DNAH2: variants seen among roughly 807,000 people sequenced by gnomAD.
DNAH2 encodes dynein axonemal heavy chain 2, also known as axonemal beta dynein heavy chain 2.
Under a neutral mutation model 523.5 loss-of-function variants are expected in DNAH2, and 323 were observed. The ratio of observed to expected loss-of-function variants is 0.62; its 90% CI spans 0.56 to 0.68. The LOEUF (loss-of-function observed/expected upper bound fraction) is 0.68, where lower values mean the gene tolerates loss of function less well. DNAH2 is among the 30% of genes least tolerant of loss of function. The pLI is 0.00. For synonymous variants in DNAH2, 2,093 were observed against 2,177.4 expected (o/e 0.96, Z 1.08); for missense variants, 4,907 against 5,701.5 (o/e 0.86, Z 4.49).
intron 63 of DNAH2, among the ~76,000 whole-genome samples, chr17:7,810,470 C>T (rs997098587): frequency 1.4e-4 from 21 of 152,190 alleles, no homozygotes; most frequent in African/African-American, 5.1e-4. Flanking sequence ...CTCGCTGTAA[C>T]TTCTGCCTCC....
intron 4 of DNAH2, among the ~76,000 whole-genome samples, chr17:7,730,677 G>T (rs909495192): frequency 1.1e-4 from 16 of 152,132 alleles, no homozygotes; most frequent in Admixed American, 3.3e-4. Context: ...AAAGAAAACT[G>T]GCCTGGACTA....
intron 13 of DNAH2, among the ~76,000 whole-genome samples, chr17:7,758,217 G>A (rs762901943): frequency 6.6e-6 from 1 of 152,208 alleles, no homozygotes; most frequent in African/African-American, 2.4e-5. Context: ...ATAGCCAAAT[G>A]TGATGAGTGG....
chr17:7,817,942 C>T lies in DNAH2; in HGVS notation c.10237-4C>T. On this transcript the variant is annotated splice_polypyrimidine_tract_variant and splice_region_variant and intron_variant, in intron 67 of 85. Transcript: ENST00000572933. ...GTTCCTTCACCTTCCCCCTTGCTCT[C>T]TAGGGCCTGAAGATCATCGACCTGC... is the stretch of plus-strand genomic sequence containing the variant. 6.2e-7 allele frequency: 1 copy of T among 1,614,118 alleles called. No homozygotes were observed. The highest frequency in any genetic ancestry group is 8.5e-7 in the Non-Finnish European group (1 of 1,180,016).
Position 7,830,776 on chromosome 17 carries a change from G to A in DNAH2, c.12164G>A (p.Arg4055Gln), listed in dbSNP as rs374384243. Residue 4055 changes from arginine (R) to glutamine (Q), a missense_variant, in exon 79 of 86, where the codon CGG becomes CAG. Around this residue, in one of 3 missense-constraint regions of DNAH2, gnomAD observed 1,851 missense variants for 2,139.4 expected, o/e 0.87. Transcript: ENST00000572933. Reference protein sequence around the residue: ...YGGHVTDDWDRRLLTTYINDY... With the variant: ...YGGHVTDDWDQRLLTTYINDY... ...GGACATGTCACAGATGACTGGGACC[G>A]GCGCCTGCTGACCACCTACATCAAT... 1.5e-5 allele frequency: 24 copies of A among 1,613,992 alleles called. No homozygotes were observed. The highest frequency in any genetic ancestry group is 1.2e-4 in the Admixed American group (7 of 60,004).
At chr17:7,731,231 G>A (rs1293861209) in intron 4 of DNAH2, among the ~76,000 whole-genome samples, 1 of 151,994 alleles carries the variant, frequency 6.6e-6, no homozygotes, top group Non-Finnish European at 1.5e-5. Flanking sequence ...GATACTAAGA[G>A]ACATGACCAT....
At position 7,754,353 on chromosome 17, in the gene DNAH2, C is replaced by T. The variant is rs930223737; in HGVS notation, c.1905-2738C>T. 20 of 453,646 alleles carry T rather than the reference C, an allele frequency of 4.4e-5. No homozygotes were observed. The highest frequency in any genetic ancestry group is 1.4e-4 in the Admixed American group (4 of 27,744). The allele number at this position is 453,646 out of a possible 1,614,324, so 28.1% of individuals were successfully genotyped here. A position where few individuals can be genotyped will look rare whatever the true frequency, so the allele number is the denominator to read the frequency against. On this transcript the variant is annotated intron_variant, in intron 12 of 85. Transcript: ENST00000572933. The surrounding 1 kb of genome is among the most constrained non-coding windows in gnomAD (Gnocchi z 4.6). The stretch of plus-strand genomic sequence containing the variant: ...TACTAGAATAGGCAGCCCAGGCTTC[C>T]GGTTCTAGGTGCTTCAGGAGCCGTG...
chr17:7,788,104 C>G lies in DNAH2; in HGVS notation c.6760C>G (p.Gln2254Glu). 1 of 1,614,202 alleles carries G rather than the reference C, an allele frequency of 6.2e-7. No individual in the cohort carries two copies. Among genetic ancestry groups the G allele is most frequent in the Non-Finnish European group, 8.5e-7 (1 of 1,180,028 alleles). ...ACTCCAGGCTGAGGTGGAGCCCCTT[C>G]AACGCATGTTCGAAAAGCTCATCAA... ...KRPKAEVEPL[Q>E]RMFEKLINKM... Residue 2254 changes from glutamine to glutamate, a missense_variant, in exon 44 of 86, where the codon CAA becomes GAA. Around this residue, in one of 3 missense-constraint regions of DNAH2, gnomAD observed 2,806 missense variants for 3,190.8 expected, o/e 0.88. Coordinates refer to ENST00000572933, the MANE Select transcript of DNAH2 (RefSeq NM_020877.5).
chr17:7,813,002 A>G (rs537755620), intron 63 of DNAH2, among the ~76,000 whole-genome samples: 27 of 151,686 alleles, frequency 1.8e-4, no homozygotes, highest in Non-Finnish European at 3.4e-4. Context: ...CAGTAAGACT[A>G]CTTGTATATG....
Position 7,833,079 on chromosome 17 carries a change from C to G in DNAH2, c.12987C>G (p.Val4329=). 2 of 1,613,292 alleles carry G rather than the reference C, an allele frequency of 1.2e-6. No homozygotes were observed. Among genetic ancestry groups the G allele is most frequent in the South Asian group, 2.2e-5 (2 of 91,068 alleles). ...SNLVYPPKDG[V]WVRGLYLEGA... is the part of the protein sequence containing the mutation. Reference sequence around the variant, plus strand: ...CTCCCATTTCTCCCCAGGATGGTGTCTGGGTCCGGGGCCTGTACCTGGAAG... The same window carrying G: ...CTCCCATTTCTCCCCAGGATGGTGTGTGGGTCCGGGGCCTGTACCTGGAAG... The change falls in exon 85 of 86, where the codon GTC becomes GTG. Residue 4329 remains valine, a synonymous_variant. Transcript: ENST00000572933.
Position 7,793,441 on chromosome 17 carries a change from CTTTCTT to C in DNAH2, c.7569+244_7569+249del, listed in dbSNP as rs1365107389. 6.5e-3 allele frequency among the ~76,000 whole-genome samples: 473 copies of C among 72,656 alleles called. 11 individuals are homozygous for C. The highest frequency in any genetic ancestry group is 0.019 in the African/African-American group (429 of 22,802). 47.7% of individuals were successfully genotyped at this position (72,656 alleles called of 152,430 possible). A position where few individuals can be genotyped will look rare whatever the true frequency, so the allele number is the denominator to read the frequency against. On this transcript the variant is annotated intron_variant, in intron 48 of 85. Transcript: ENST00000572933. ...TTGTTTGCCTGCTTGCTTTTTCTTT[CTTTCTT>C]TTTCTTTCTTTCTTTCTTTCTTTCT...
Position 7,792,047 on chromosome 17 carries a change from T to TC in DNAH2, c.7032dup (p.Glu2345ArgfsTer7). ...AGGATCGACAGCTACCTCCGAGAGA[T>TC]CGAGGGCTCCTTTCCCAATAAGGTT... is the stretch of plus-strand genomic sequence containing the variant. On this transcript the variant is annotated frameshift_variant, in exon 45 of 86. Transcript: ENST00000572933. LOFTEE classifies it high-confidence loss of function. 1 of 1,613,036 alleles carries TC rather than the reference T, an allele frequency of 6.2e-7. No homozygotes were observed. Among genetic ancestry groups the TC allele is most frequent in the South Asian group, 1.1e-5 (1 of 90,992 alleles).
chr17:7,748,298 T>C (rs2075572428), intron 12 of DNAH2, among the ~76,000 whole-genome samples: 1 of 152,160 alleles, frequency 6.6e-6, no homozygotes, highest in Non-Finnish European at 1.5e-5. Flanking sequence ...GGAGACGAGA[T>C]ACTGAGGTCT....
At chr17:7,775,951 A>G in intron 30 of DNAH2, 73 bp from the exon 31 acceptor site, 1 of 1,585,052 alleles carries the variant, frequency 6.3e-7, no homozygotes, top group Non-Finnish European at 8.6e-7. Flanking sequence ...CTGCTCCATA[A>G]GTGCCTTCCC....
In DNAH2 at chr17:7,723,268, CTTTTTTTTTTT is replaced by C. The variant is rs58689789; in HGVS notation, c.167-348_167-338del. 7.2e-4 allele frequency among the ~76,000 whole-genome samples: 43 copies of C among 59,910 alleles called. No homozygotes were observed. In the Admixed American group the frequency reaches 8.4e-3, roughly 12 times the overall value. 39.3% of individuals were successfully genotyped at this position (59,910 alleles called of 152,430 possible). The stretch of plus-strand genomic sequence containing the variant: ...TACAGGTGTGAGCCACTGTACCCGG[CTTTTTTTTTTT>C]TTTTTTTTTTTGAGACAGGGTCTCA... On this transcript the variant is annotated intron_variant, in intron 2 of 85. Transcript: ENST00000572933.
intron 12 of DNAH2, among the ~76,000 whole-genome samples, chr17:7,744,286 T>A (rs528394272): frequency 8.9e-6 from 1 of 112,710 alleles, no homozygotes; most frequent in South Asian, 3.0e-4. Flanking sequence ...AGAGTGAGTC[T>A]CCGTCTCAAA....
chr17:7,783,650 G>A (rs955004838), intron 39 of DNAH2, among the ~76,000 whole-genome samples: 1 of 151,848 alleles, frequency 6.6e-6, no homozygotes, highest in South Asian at 2.1e-4. Context: ...TGGTGAAAAT[G>A]AGCCAGGTGT....
At chr17:7,808,771 G>A (rs752709769) in intron 63 of DNAH2, among the ~76,000 whole-genome samples, 3 of 152,128 alleles carry the variant, frequency 2.0e-5, no homozygotes, top group Non-Finnish European at 2.9e-5. Context: ...CACCACGCCC[G>A]GCTGATTTTT....
At chr17:7,759,697 T>C in intron 16 of DNAH2, 87 bp downstream of exon 16, 2 of 1,601,382 alleles carry the variant, frequency 1.2e-6, no homozygotes, top group Admixed American at 3.4e-5. Context: ...TCCTTGGCCT[T>C]GACTTTATCC....
intron 8 of DNAH2, among the ~76,000 whole-genome samples, chr17:7,738,495 AATTTTTTGT>A (rs2075208450): frequency 2.0e-5 from 3 of 151,962 alleles, no homozygotes; most frequent in African/African-American, 7.2e-5. Flanking sequence ...ATGCCAGGCT[AATTTTTTGT>A]ATTTTTAGTA....
Sources: allele counts gnomAD v4.1 joint callset (sites outside exome capture counted in the v4.1 genomes callset), GRCh38; gene constraint gnomAD v4.1.1; regional missense constraint gnomAD v4.1.1; non-coding constraint Gnocchi (gnomAD v3.1); transcripts MANE v1.5; gene names NCBI Gene and HGNC (gene_info 2026-07-23, HGNC 2026-07-21).